PIGL: variants seen among roughly 807,000 people sequenced by gnomAD.
PIGL encodes N-acetylglucosaminyl-phosphatidylinositol de-N-acetylase.
Under a neutral mutation model 31.1 loss-of-function variants are expected in PIGL, and 22 were observed. The ratio of observed to expected loss-of-function variants is 0.71; its 90% CI spans 0.51 to 1.01. PIGL has a LOEUF of 1.01. PIGL is among the 50% of genes least tolerant of loss of function. The pLI is 0.00. For synonymous variants in PIGL, 131 were observed against 117.4 expected (o/e 1.12, Z -0.75); for missense variants, 302 against 315.9 (o/e 0.96, Z 0.33).
At chr17:16,316,120 G>T (rs970438124) in intron 4 of PIGL, among the ~76,000 whole-genome samples, 17 of 152,236 alleles carry the variant, frequency 1.1e-4, no homozygotes, top group African/African-American at 3.9e-4. Context: ...ATGTGTGTCT[G>T]TGTGTTGCTG....
At position 16,224,366 on chromosome 17, in the gene PIGL, G is replaced by T. The variant is rs571850664; in HGVS notation, c.235+6905G>T. On this transcript the variant is annotated intron_variant, in intron 1 of 6. Coordinates refer to ENST00000225609, the MANE Select transcript of PIGL (RefSeq NM_004278.4). ...TGGGGGAAGACAGAGCCTCACTGTTGCACAATCTTGGCTCACTGTAGCCTC... is the reference window on the plus strand; with the variant it reads ...TGGGGGAAGACAGAGCCTCACTGTTTCACAATCTTGGCTCACTGTAGCCTC... 2.2e-4 allele frequency among the ~76,000 whole-genome samples: 33 copies of T among 151,940 alleles called. 2 individuals are homozygous for T. Among genetic ancestry groups the T allele is most frequent in the African/African-American group, 7.7e-4 (32 of 41,492 alleles).
intron 2 of PIGL, among the ~76,000 whole-genome samples, chr17:16,247,990 C>T (rs535335878): frequency 6.6e-5 from 10 of 152,134 alleles, no homozygotes; most frequent in African/African-American, 2.2e-4. Context: ...TGGGTTCAAG[C>T]GATTCTCCTG....
chr17:16,229,858 ATTTTTTTTTTT>A (rs71150280), intron 1 of PIGL, among the ~76,000 whole-genome samples: 1 of 97,700 alleles, frequency 1.0e-5, no homozygotes, highest in Non-Finnish European at 1.8e-5. Context: ...TAAAGTCATG[ATTTTTTTTTTT>A]TTTTTTTTTT....
chr17:16,259,740 G>A (rs570867618), intron 2 of PIGL, among the ~76,000 whole-genome samples: 1 of 152,254 alleles, frequency 6.6e-6, no homozygotes, highest in Non-Finnish European at 1.5e-5. Context: ...GGGGACTGGT[G>A]GGGGAGTGGG....
intron 6 of PIGL, 82 bp downstream of exon 6, chr17:16,317,990 A>C: frequency 3.2e-6 from 4 of 1,237,124 alleles, no homozygotes; most frequent in Non-Finnish European, 4.7e-6. Context: ...CCTCTGCAGA[A>C]GCCCTAACTG....
At chr17:16,285,928 C>T (rs1286786960) in intron 2 of PIGL, among the ~76,000 whole-genome samples, 1 of 152,202 alleles carries the variant, frequency 6.6e-6, no homozygotes, top group Non-Finnish European at 1.5e-5. Context: ...TTTGGAGCAG[C>T]GACGCTAGTG....
In PIGL at chr17:16,243,027, T is replaced by A. The variant is rs542038096; in HGVS notation, c.335+8957T>A. On this transcript the variant is annotated intron_variant, in intron 2 of 6. Transcript: ENST00000225609. ...TGACAACATATCCAGTGTTTAACCA[T>A]TAACTGTGTTGTTACTGGTGTGTGT... 1.9e-4 allele frequency among the ~76,000 whole-genome samples: 29 copies of A among 152,328 alleles called. No individual in the cohort carries two copies. The East Asian group carries it at 4.2e-3, about 22-fold the overall frequency.
chr17:16,220,480 ATTTT>A (rs745948237), intron 1 of PIGL, among the ~76,000 whole-genome samples: 2 of 57,210 alleles, frequency 3.5e-5, no homozygotes, highest in African/African-American at 1.0e-4. Flanking sequence ...TTAAATTGTT[ATTTT>A]TTTTTTTTTT....
chr17:16,236,500 G>C (rs546313736), intron 2 of PIGL, among the ~76,000 whole-genome samples: 1 of 152,282 alleles, frequency 6.6e-6, no homozygotes, highest in South Asian at 2.1e-4. Context: ...AAGAGCCTTT[G>C]TTTGTCTTAG....
At chr17:16,320,289 GGGAGGA>G (rs1161190866) in intron 6 of PIGL, among the ~76,000 whole-genome samples, 4 of 118,832 alleles carry the variant, frequency 3.4e-5, no homozygotes, top group African/African-American at 6.5e-5. Context: ...AGGGGAGGGA[GGGAGGA>G]AGGGGAAGGG....
intron 2 of PIGL, among the ~76,000 whole-genome samples, chr17:16,258,069 AAGAGAGAGAGAGAGAG>A (rs749459552): frequency 3.3e-5 from 3 of 90,478 alleles, no homozygotes; most frequent in African/African-American, 4.9e-5. Flanking sequence ...GTCAGAAAGA[AAGAGAGAGAGAGAGAG>A]AGAGAGAGAG....
At chr17:16,232,938 T>C (rs901410401) in intron 1 of PIGL, among the ~76,000 whole-genome samples, 4 of 151,910 alleles carry the variant, frequency 2.6e-5, no homozygotes, top group Non-Finnish European at 5.9e-5. Flanking sequence ...TCCAACATGG[T>C]GAAACCCCAT....
intron 1 of PIGL, among the ~76,000 whole-genome samples, chr17:16,232,126 A>G (rs892639585): frequency 6.6e-6 from 1 of 152,026 alleles, no homozygotes; most frequent in African/African-American, 2.4e-5. Context: ...AAAAATACAA[A>G]AATTAGCCAG....
chr17:16,277,456 G>A (rs530985919), intron 2 of PIGL, among the ~76,000 whole-genome samples: 3 of 152,220 alleles, frequency 2.0e-5, no homozygotes, highest in African/African-American at 7.2e-5. Flanking sequence ...TAGCTCAAAA[G>A]AAAAATTTCC....
At chr17:16,270,077 AG>A (rs2092864105) in intron 2 of PIGL, among the ~76,000 whole-genome samples, 1 of 152,018 alleles carries the variant, frequency 6.6e-6, no homozygotes, top group African/African-American at 2.4e-5. Context: ...ACCTGAGGTC[AG>A]GAGTTCGAGA....
chr17:16,281,489 A>T (rs1194657668), intron 2 of PIGL, among the ~76,000 whole-genome samples: 8 of 152,222 alleles, frequency 5.3e-5, no homozygotes, highest in African/African-American at 1.9e-4. Flanking sequence ...TGCAACATTC[A>T]TAATAACTAA....
intron 3 of PIGL, among the ~76,000 whole-genome samples, chr17:16,308,996 G>T (rs2093037598): frequency 6.6e-6 from 1 of 152,090 alleles, no homozygotes; most frequent in African/African-American, 2.4e-5. Context: ...TCGCCATATT[G>T]CCCAGGCTGG....
chr17:16,217,337 G>A lies in PIGL; in HGVS notation c.111G>A (p.Leu37=). ...RMKSREQGGR[L]GAESRTLLVI... ...AGAGTCGGGAGCAGGGAGGACGGCT[G>A]GGAGCCGAAAGCCGGACCCTGCTGG... Residue 37 remains leucine, a synonymous_variant, in exon 1 of 7, where the codon CTG becomes CTA. Coordinates refer to ENST00000225609, the MANE Select transcript of PIGL (RefSeq NM_004278.4). The A allele has an allele frequency of 6.2e-7, 1 of 1,614,186 alleles. No homozygotes were observed. Among genetic ancestry groups the A allele is most frequent in the Non-Finnish European group, 8.5e-7 (1 of 1,180,014 alleles).
In PIGL at chr17:16,317,573, C is replaced by G. The variant is rs1340119415; in HGVS notation, c.527-202C>G. 2.2e-6 allele frequency: 3 copies of G among 1,367,694 alleles called. No individual in the cohort carries two copies. The African/African-American group carries it at 4.4e-5, about 20-fold the overall frequency. 84.7% of individuals were successfully genotyped at this position (1,367,694 alleles called of 1,614,324 possible). On this transcript the variant is annotated intron_variant, in intron 5 of 6. Coordinates refer to ENST00000225609, the MANE Select transcript of PIGL (RefSeq NM_004278.4). ...CACCGCAGGGTAGAGGGTAGCCAGC[C>G]AGGTCTTCTATGGCCCTTTTACTCG...
Sources: gnomAD v4.1 joint callset for allele counts (sites outside exome capture counted in the v4.1 genomes callset) on GRCh38, gnomAD v4.1.1 for gene constraint, MANE v1.5 for transcripts, NCBI Gene and HGNC (gene_info 2026-07-23, HGNC 2026-07-21) for gene names.